The following STXBP5L variants were observed in gnomAD, a reference collection of about 807,000 sequenced individuals.
The protein encoded by STXBP5L is syntaxin binding protein 5L.
In STXBP5L, 65 loss-of-function variants were observed where a neutral mutation model predicts 144.5. That is an observed-to-expected ratio of 0.45 (90% CI 0.37 to 0.55). The LOEUF (loss-of-function observed/expected upper bound fraction) is 0.55. Ranked by LOEUF, STXBP5L falls within the 20% of genes least tolerant of loss-of-function variation. STXBP5L has a pLI of 0.00. For missense variants in STXBP5L, 1,298 were observed against 1,405.5 expected (o/e 0.92, Z 1.22); for synonymous variants, 505 against 469.6 (o/e 1.08, Z -0.97).
chr3:120,928,274 T>C (rs1576432004), intron 2 of STXBP5L, among the ~76,000 whole-genome samples: 3 of 143,418 alleles, frequency 2.1e-5, no homozygotes, highest in East Asian at 4.1e-4. Context: ...TCTTTTTTTT[T>C]CCTCCTGAGA....
intron 2 of STXBP5L, among the ~76,000 whole-genome samples, chr3:120,952,279 A>T (rs1350441630): frequency 6.6e-6 from 1 of 152,060 alleles, no homozygotes; most frequent in Non-Finnish European, 1.5e-5. Flanking sequence ...CAATTCGGAG[A>T]GTATTGCCAC....
intron 3 of STXBP5L, among the ~76,000 whole-genome samples, chr3:121,011,981 A>G (rs1944808618): frequency 6.6e-6 from 1 of 151,708 alleles, no homozygotes; most frequent in Admixed American, 6.6e-5. Context: ...ATTTCCCCCA[A>G]ATCCTCCTAA....
At chr3:121,017,236 C>A (rs1576671811) in intron 3 of STXBP5L, among the ~76,000 whole-genome samples, 1 of 152,232 alleles carries the variant, frequency 6.6e-6, no homozygotes, top group East Asian at 1.9e-4. Flanking sequence ...GACAAAATCT[C>A]ACACCCACAC....
intron 19 of STXBP5L, among the ~76,000 whole-genome samples, chr3:121,308,582 A>G (rs1391051019): frequency 6.6e-6 from 1 of 152,228 alleles, no homozygotes; most frequent in Admixed American, 6.5e-5. Flanking sequence ...GATCTATAAC[A>G]TAGAAATTAA....
In STXBP5L at chr3:121,396,780, A is replaced by T. The variant is rs546446586; in HGVS notation, c.2588-10463A>T. Among the ~76,000 whole-genome samples, 33 of 152,340 alleles carry T rather than the reference A, an allele frequency of 2.2e-4. No individual in the cohort carries two copies. In the South Asian group the frequency reaches 6.2e-3, roughly 29 times the overall value. On this transcript the variant is annotated intron_variant, in intron 22 of 26. Coordinates refer to ENST00000471454, the MANE Select transcript of STXBP5L (RefSeq NM_001308330.2). ...TAGCAACTAGGTGATCAGCCATTTG[A>T]TTCCCTTCAGTCAAAGGTCCTGGAA...
chr3:120,975,716 C>T (rs1336692287), intron 3 of STXBP5L, among the ~76,000 whole-genome samples: 1 of 152,046 alleles, frequency 6.6e-6, no homozygotes, highest in Non-Finnish European at 1.5e-5. Context: ...GAGATACGTC[C>T]CATCAATACC....
At chr3:121,072,497 A>AC (rs982722514) in intron 5 of STXBP5L, among the ~76,000 whole-genome samples, 2 of 152,172 alleles carry the variant, frequency 1.3e-5, no homozygotes, top group African/African-American at 4.8e-5. Context: ...TGCTTTATGA[A>AC]CCGGGGGGCT....
chr3:121,146,958 A>T (rs1335876791), intron 7 of STXBP5L, among the ~76,000 whole-genome samples: 7 of 152,100 alleles, frequency 4.6e-5, no homozygotes, highest in African/African-American at 1.4e-4. Flanking sequence ...AAATATTTTT[A>T]AAATTGGACA....
At chr3:121,265,867 A>G (rs571417767) in intron 18 of STXBP5L, among the ~76,000 whole-genome samples, 185 of 152,298 alleles carry the variant, frequency 1.2e-3, no homozygotes, top group Non-Finnish European at 2.2e-3. Flanking sequence ...ATAATAAACT[A>G]GAAAATCTAG....
In STXBP5L at chr3:121,003,145, T is replaced by C. The variant is rs913524411; in HGVS notation, c.288-38555T>C. On this transcript the variant is annotated intron_variant, in intron 3 of 26. Coordinates refer to ENST00000471454, the MANE Select transcript of STXBP5L (RefSeq NM_001308330.2). ...GGAATTGCCACACTGACTTCCACAATGGTTGAACTAGTTTACAGTCCCACC... is the reference window on the plus strand; with the variant it reads ...GGAATTGCCACACTGACTTCCACAACGGTTGAACTAGTTTACAGTCCCACC... 5.3e-5 allele frequency among the ~76,000 whole-genome samples: 8 copies of C among 152,310 alleles called. No individual in the cohort carries two copies. The East Asian group carries it at 1.5e-3, about 29-fold the overall frequency.
At chr3:121,049,776 T>G (rs964075299) in intron 5 of STXBP5L, 1 of 154,354 alleles carries the variant, frequency 6.5e-6, no homozygotes, top group Non-Finnish European at 1.5e-5. Flanking sequence ...GAGCCTGGCC[T>G]CCTCCATTGC....
intron 2 of STXBP5L, among the ~76,000 whole-genome samples, chr3:120,913,797 T>C (rs1708973286): frequency 1.3e-5 from 2 of 152,046 alleles, no homozygotes; most frequent in South Asian, 2.1e-4. Context: ...AGGCTTTATT[T>C]TGTTCACATC....
At chr3:121,011,174 A>G (rs1304687818) in intron 3 of STXBP5L, among the ~76,000 whole-genome samples, 1 of 150,950 alleles carries the variant, frequency 6.6e-6, no homozygotes, top group Non-Finnish European at 1.5e-5. Flanking sequence ...CCTTGAAACT[A>G]TCCCGGTAAC....
chr3:121,312,080 C>T (rs2043550330), intron 19 of STXBP5L, among the ~76,000 whole-genome samples: 2 of 152,134 alleles, frequency 1.3e-5, no homozygotes, highest in South Asian at 4.1e-4. Context: ...CTGAGAAAAA[C>T]AAGCAATGGG....
chr3:121,204,063 T>G (rs899020471), intron 9 of STXBP5L, among the ~76,000 whole-genome samples: 2 of 151,926 alleles, frequency 1.3e-5, no homozygotes, highest in African/African-American at 4.8e-5. Flanking sequence ...CACGGTGAAA[T>G]TCTGTCTCTA....
intron 5 of STXBP5L, among the ~76,000 whole-genome samples, chr3:121,064,168 A>G (rs1047096872): frequency 1.3e-5 from 2 of 152,194 alleles, no homozygotes; most frequent in African/African-American, 4.8e-5. Context: ...GACTGTGGAA[A>G]GTGTAGTATC....
chr3:121,023,640 A>G (rs184506751), intron 3 of STXBP5L, among the ~76,000 whole-genome samples: 1 of 152,286 alleles, frequency 6.6e-6, no homozygotes, highest in Non-Finnish European at 1.5e-5. Context: ...AGGACACCCT[A>G]TTTAACAAAT....
chr3:121,150,627 A>G (rs980973479), intron 7 of STXBP5L, among the ~76,000 whole-genome samples: 1 of 152,142 alleles, frequency 6.6e-6, no homozygotes, highest in Non-Finnish European at 1.5e-5. Flanking sequence ...ATTTACTTTA[A>G]TAAAATATAA....
At chr3:121,071,800 T>C (rs2041823118) in intron 5 of STXBP5L, among the ~76,000 whole-genome samples, 1 of 152,170 alleles carries the variant, frequency 6.6e-6, no homozygotes, top group Non-Finnish European at 1.5e-5. Context: ...TAAGGTTAAT[T>C]CCCCAGATTC....
Sources: gnomAD v4.1 joint callset for allele counts (sites outside exome capture counted in the v4.1 genomes callset) on GRCh38, gnomAD v4.1.1 for gene constraint, MANE v1.5 for transcripts, NCBI Gene and HGNC (gene_info 2026-07-23, HGNC 2026-07-21) for gene names.